Variants in GALNT13 observed in about 807,000 individuals in gnomAD.
The protein encoded by GALNT13 is UDP-GalNAc:polypeptide N-acetylgalactosaminyltransferase 13.
Under a neutral mutation model 64.2 loss-of-function variants are expected in GALNT13, and 28 were observed. The ratio of observed to expected loss-of-function variants is 0.44; its 90% CI spans 0.32 to 0.60. The LOEUF (loss-of-function observed/expected upper bound fraction) is 0.60, where lower values mean the gene tolerates loss of function less well. GALNT13 is among the 20% of genes least tolerant of loss of function. The probability of loss-of-function intolerance (pLI) is 0.05; values close to 1 mark genes in which losing one functional copy is unlikely to be tolerated. For missense variants in GALNT13, 577 were observed against 669.8 expected, an observed-to-expected ratio of 0.86 and a Z score of 1.53; for synonymous variants, 214 against 224.6, an observed-to-expected ratio of 0.95 and a Z score of 0.42.
chr2:154,128,734 C>T (rs1682443715), intron 3 of GALNT13, among the ~76,000 whole-genome samples: 1 of 151,830 alleles, frequency 6.6e-6, no homozygotes, highest in South Asian at 2.1e-4. Context: ...TAGAAATTTC[C>T]TTCATGAAAA....
At chr2:153,962,298 A>G (rs1047004866) in intron 3 of GALNT13, among the ~76,000 whole-genome samples, 1 of 152,230 alleles carries the variant, frequency 6.6e-6, no homozygotes, top group Non-Finnish European at 1.5e-5. Flanking sequence ...GTAGTAGTCA[A>G]TAAGTCAAGA....
At chr2:153,256,121 G>A in the GALNT13 span, among the ~76,000 whole-genome samples, 1 of 151,824 alleles carries the variant, frequency 6.6e-6, no homozygotes, top group Non-Finnish European at 1.5e-5. Flanking sequence ...ACGTAGATTT[G>A]GTCTTTTCAC....
At chr2:154,349,108 C>T (rs931155500) in intron 9 of GALNT13, among the ~76,000 whole-genome samples, 2 of 152,048 alleles carry the variant, frequency 1.3e-5, no homozygotes, top group Admixed American at 1.3e-4. Context: ...TAGAGAGTAC[C>T]AAGAATGTCT....
the GALNT13 span, among the ~76,000 whole-genome samples, chr2:153,306,001 A>T: frequency 6.6e-6 from 1 of 152,206 alleles, no homozygotes; most frequent in African/African-American, 2.4e-5. Context: ...ATAACCAGAA[A>T]AGGAGTGGAG....
At position 154,005,752 on chromosome 2, in the gene GALNT13, A is replaced by G. The variant is rs114086542; in HGVS notation, c.142+61113A>G. ...GGTTAAAATAAAAACAACTGCTGCT[A>G]TCAAGAGAAGCTAGGTATATGTTTC... On this transcript the variant is annotated intron_variant, in intron 3 of 12. Coordinates refer to ENST00000392825, the MANE Select transcript of GALNT13 (RefSeq NM_052917.4). Among the ~76,000 whole-genome samples, 1,199 of 152,278 alleles carry G rather than the reference A, an allele frequency of 7.9e-3. 16 individuals carry two copies. Among genetic ancestry groups the G allele is most frequent in the African/African-American group, 0.027 (1,135 of 41,556 alleles).
At chr2:153,116,939 A>T in the GALNT13 span, among the ~76,000 whole-genome samples, 2 of 151,222 alleles carry the variant, frequency 1.3e-5, no homozygotes, top group Non-Finnish European at 2.9e-5. Flanking sequence ...AGCTGGGACT[A>T]CAGGCGCCCG....
chr2:153,771,445 G>A, the GALNT13 span, among the ~76,000 whole-genome samples: 1 of 151,966 alleles, frequency 6.6e-6, no homozygotes, highest in Non-Finnish European at 1.5e-5. Flanking sequence ...ATTCCAGGAA[G>A]GTAGGTACAC....
At chr2:153,758,971 C>T in the GALNT13 span, among the ~76,000 whole-genome samples, 1 of 152,170 alleles carries the variant, frequency 6.6e-6, no homozygotes, top group East Asian at 1.9e-4. Context: ...TCATCAATTT[C>T]TTTCATCAAA....
intron 3 of GALNT13, among the ~76,000 whole-genome samples, chr2:153,980,215 A>T (rs1448392273): frequency 1.3e-5 from 2 of 152,188 alleles, no homozygotes. Flanking sequence ...TGTAGACAAT[A>T]TTAAGAGTTT....
At chr2:153,926,161 G>A (rs1190540330) in intron 2 of GALNT13, 2 of 151,948 alleles carry the variant, frequency 1.3e-5, no homozygotes. Context: ...CAAGTTGCAT[G>A]TGATTTTAAT....
chr2:154,293,294 T>G (rs984309956), intron 8 of GALNT13, among the ~76,000 whole-genome samples: 8 of 152,182 alleles, frequency 5.3e-5, no homozygotes, highest in African/African-American at 1.7e-4. Context: ...AATGCGGTAT[T>G]CTAATTAGAA....
chr2:153,815,774 C>G, the GALNT13 span, among the ~76,000 whole-genome samples: 1 of 152,102 alleles, frequency 6.6e-6, no homozygotes, highest in Non-Finnish European at 1.5e-5. Flanking sequence ...GAAAGTTTCT[C>G]TTACAGGTCT....
the GALNT13 span, among the ~76,000 whole-genome samples, chr2:153,698,348 C>A: frequency 6.6e-6 from 1 of 151,976 alleles, no homozygotes; most frequent in African/African-American, 2.4e-5. Flanking sequence ...TTCAGGAGAC[C>A]CATCTCATGT....
At chr2:153,131,634 T>C in the GALNT13 span, among the ~76,000 whole-genome samples, 1 of 152,120 alleles carries the variant, frequency 6.6e-6, no homozygotes, top group East Asian at 1.9e-4. Context: ...CTAGGTAAGC[T>C]CTTGGGAATG....
chr2:154,446,983 GT>G (rs5835517), intron 12 of GALNT13, among the ~76,000 whole-genome samples: 1 of 150,414 alleles, frequency 6.6e-6, no homozygotes, highest in Non-Finnish European at 1.5e-5. Context: ...GGGTTTTTTT[GT>G]TTTTTTTCTT....
At chr2:153,839,243 A>G in the GALNT13 span, among the ~76,000 whole-genome samples, 3 of 151,734 alleles carry the variant, frequency 2.0e-5, no homozygotes, top group Admixed American at 6.6e-5. Flanking sequence ...ACTTAGATAT[A>G]TTTTACTTTT....
the GALNT13 span, among the ~76,000 whole-genome samples, chr2:153,362,553 C>CAAAAAAAAAAA: frequency 6.2e-5 from 5 of 80,320 alleles, no homozygotes; most frequent in African/African-American, 1.0e-4. Context: ...AAATGGAGAG[C>CAAAAAAAAAAA]AAAAAAAAAA....
chr2:153,174,183 C>T, the GALNT13 span, among the ~76,000 whole-genome samples: 1 of 152,176 alleles, frequency 6.6e-6, no homozygotes, highest in African/African-American at 2.4e-5. Context: ...ATGGTGACAG[C>T]ATTAGCCTGC....
At chr2:154,296,099 T>C (rs1692908804) in intron 8 of GALNT13, among the ~76,000 whole-genome samples, 1 of 152,164 alleles carries the variant, frequency 6.6e-6, no homozygotes. Flanking sequence ...ATATTGTTAG[T>C]CCCATAGCTC....
Sources: gnomAD v4.1 joint callset for allele counts (sites outside exome capture counted in the v4.1 genomes callset) on GRCh38, gnomAD v4.1.1 for gene constraint, MANE v1.5 for transcripts, NCBI Gene and HGNC (gene_info 2026-07-23, HGNC 2026-07-21) for gene names.